The following POMGNT1 variants were observed in gnomAD, a reference collection of about 807,000 sequenced individuals.
The protein encoded by POMGNT1 is protein O-linked-mannose beta-1,2-N-acetylglucosaminyltransferase 1.
POMGNT1 carries 67 observed loss-of-function variants against 95.6 expected under a neutral mutation model. The ratio of observed to expected loss-of-function variants is 0.70; its 90% CI spans 0.58 to 0.86. The LOEUF is 0.86. POMGNT1 is among the 40% of genes least tolerant of loss of function. The probability of loss-of-function intolerance (pLI) is 0.00; values close to 1 mark genes in which losing one functional copy is unlikely to be tolerated. For synonymous variants in POMGNT1, 298 were observed against 317.9 expected, an observed-to-expected ratio of 0.94 and a Z score of 0.66; for missense variants, 719 against 855.2, an observed-to-expected ratio of 0.84 and a Z score of 1.99.
At chr1:46,205,468 C>T (rs1658682061) in intron 1 of POMGNT1, among the ~76,000 whole-genome samples, 1 of 152,164 alleles carries the variant, frequency 6.6e-6, no homozygotes, top group African/African-American at 2.4e-5. Context: ...CATTTTATGT[C>T]ATTGAAATGA....
chr1:46,206,885 A>G (rs1239614161), intron 1 of POMGNT1, among the ~76,000 whole-genome samples: 1 of 152,172 alleles, frequency 6.6e-6, no homozygotes, highest in Admixed American at 6.5e-5. Context: ...TTAGGGAAGG[A>G]GGAGACAGAA....
chr1:46,211,439 GCACACACACACA>G (rs57919535), intron 1 of POMGNT1, among the ~76,000 whole-genome samples: 3 of 78,958 alleles, frequency 3.8e-5, no homozygotes, highest in Admixed American at 1.4e-4. Context: ...ATGAAAACCT[GCACACACACACA>G]CACACACACA....
At chr1:46,193,095 G>T in intron 13 of POMGNT1, 79 bp downstream of exon 13, 1 of 1,607,734 alleles carries the variant, frequency 6.2e-7, no homozygotes, top group South Asian at 1.1e-5. Context: ...GAGGGGAAGA[G>T]CTTGCCACGT....
rs142875865 is a variant in POMGNT1, at chr1:46,203,550, G to A, written c.-50-5679C>T. On this transcript the variant is annotated intron_variant, in intron 1 of 22. Transcript: ENST00000371992. ...CGAGTGTGAGCTGGGAACCTCTGGC[G>A]CCCTGCTGCTCCCAGGGGCGTCTAG... 1.5e-4 allele frequency: 234 copies of A among 1,567,340 alleles called. No individual in the cohort carries two copies. In the African/African-American group the frequency reaches 2.9e-3, roughly 19 times the overall value.
At chr1:46,203,060 C>T (rs79939973), upstream of POMGNT1, among the ~76,000 whole-genome samples, 13 of 152,124 alleles carry the variant, frequency 8.5e-5, no homozygotes, top group East Asian at 2.5e-3. Flanking sequence ...TAAACTCCCA[C>T]ATCTCTGACT....
rs553553716 is a variant in POMGNT1 at position 46,205,757 on chromosome 1, C to A, written c.-50-7886G>T. 4.6e-5 allele frequency among the ~76,000 whole-genome samples: 7 copies of A among 152,336 alleles called. No homozygotes were observed. The East Asian group carries it at 1.2e-3, about 25-fold the overall frequency. The stretch of plus-strand genomic sequence containing the variant: ...AGGAGAGATCCCCATCCTATTTTTT[C>A]TCCTTCCTCAGGCCAGGATGTTATT... On this transcript the variant is annotated intron_variant, in intron 1 of 22. Coordinates refer to the POMGNT1 transcript ENST00000371992.
rs1448716178 is a variant in POMGNT1, at chr1:46,197,233, C to A, written c.121-149G>T. Reference sequence around the variant, plus strand: ...GTCTGCCTAGCTCTACTCCCCTGACCAGGGCCTAGTTTCACAGCCACTTTC... The same window carrying A: ...GTCTGCCTAGCTCTACTCCCCTGACAAGGGCCTAGTTTCACAGCCACTTTC... On this transcript the variant is annotated intron_variant, in intron 2 of 21. Transcript: ENST00000371984. The A allele has an allele frequency of 3.2e-6, 5 of 1,561,532 alleles. No individual in the cohort carries two copies. The Admixed American group carries it at 7.5e-5, about 23-fold the overall frequency.
upstream of POMGNT1, among the ~76,000 whole-genome samples, chr1:46,202,936 T>TGTGG (rs1658591028): frequency 8.5e-6 from 1 of 117,390 alleles, no homozygotes; most frequent in Admixed American, 1.1e-4. Context: ...TGTGTGTGTG[T>TGTGG]GTGTGTGTGT....
upstream of POMGNT1, among the ~76,000 whole-genome samples, chr1:46,201,453 A>T (rs907664714): frequency 2.1e-4 from 32 of 152,080 alleles, no homozygotes; most frequent in Non-Finnish European, 4.0e-4. Flanking sequence ...TAATCCCAGC[A>T]CTTTGGGAGG....
chr1:46,203,462 G>A, intron 1 of POMGNT1: 1 of 1,505,764 alleles, frequency 6.6e-7, no homozygotes, highest in East Asian at 2.6e-5. Flanking sequence ...CGCCTGACCT[G>A]CGGGATGTGG....
chr1:46,196,993 T>A lies in POMGNT1; in HGVS notation c.212A>T (p.Asp71Val), dbSNP rs753063524. ...TRRAISEANE[D>V]PEPEQDYDEA... The stretch of plus-strand genomic sequence containing the variant: ...ACCATAGTCTTGCTCTGGCTCTGGG[T>A]CTTCATTGGCTTCACTGATGGCTCG... Residue 71 changes from aspartate (D) to valine (V), a missense_variant, in exon 3 of 22, where the codon GAC (aspartate) becomes GTC (valine). This residue lies in a region of POMGNT1 where 466 missense variants were observed against 517.4 expected (regional missense o/e 0.90). Transcript: ENST00000371984. This position sits in a 1 kb window ranked among gnomAD's most constrained non-coding sequence, Gnocchi z 4.4. 1 of 1,614,102 alleles carries A rather than the reference T, an allele frequency of 6.2e-7. No individual in the cohort carries two copies. The highest frequency in any genetic ancestry group is 8.5e-7 in the Non-Finnish European group (1 of 1,180,002).
In POMGNT1 at chr1:46,189,171, A is replaced by C; in HGVS notation, c.*99T>G. 1 of 1,527,342 alleles carries C rather than the reference A, an allele frequency of 6.5e-7. No homozygotes were observed. The highest frequency in any genetic ancestry group is 8.8e-7 in the Non-Finnish European group (1 of 1,141,726). The allele number at this position is 1,527,342 out of a possible 1,614,324, so 94.6% of individuals were successfully genotyped here. ...CTCATGTTAAAAACAAGGTAGCCCC[A>C]GCCCCTACCAGCATCTACAAAATCC... On this transcript the variant is annotated 3_prime_UTR_variant, in exon 22 of 22. Coordinates refer to ENST00000371984, the MANE Select transcript of POMGNT1 (RefSeq NM_017739.4).
At chr1:46,193,243 T>C (rs769214721) in intron 12 of POMGNT1, 28 bp from the exon 13 acceptor site, 4 of 1,613,240 alleles carry the variant, frequency 2.5e-6, no homozygotes, top group Admixed American at 3.3e-5. Context: ...ATAGGGCACA[T>C]GAGCTTTAGG....
At chr1:46,201,721 A>AGAAAG (rs1658540354), upstream of POMGNT1, among the ~76,000 whole-genome samples, 1 of 151,586 alleles carries the variant, frequency 6.6e-6, no homozygotes, top group Non-Finnish European at 1.5e-5. Context: ...AAAAGAAAAA[A>AGAAAG]GAAAGAAAAG....
chr1:46,210,562 C>A (rs1441856321), intron 1 of POMGNT1, among the ~76,000 whole-genome samples: 1 of 152,116 alleles, frequency 6.6e-6, no homozygotes, highest in Non-Finnish European at 1.5e-5. Flanking sequence ...TTCCTATGAC[C>A]CCCTCCTTGG....
At chr1:46,213,875 A>G (rs1658980075) in intron 1 of POMGNT1, among the ~76,000 whole-genome samples, 1 of 152,072 alleles carries the variant, frequency 6.6e-6, no homozygotes. Flanking sequence ...AAAAAAAGAT[A>G]CAGACTTTAG....
At chr1:46,190,915 CG>C in intron 17 of POMGNT1, 131 bp from the exon 18 acceptor site, 2 of 843,848 alleles carry the variant, frequency 2.4e-6, no homozygotes, top group Non-Finnish European at 4.0e-6. Flanking sequence ...AATTTCCCAC[CG>C]TCTTCTCCAT....
At chr1:46,190,914 C>T in intron 17 of POMGNT1, 130 bp from the exon 18 acceptor site, 8 of 845,828 alleles carry the variant, frequency 9.5e-6, no homozygotes, top group South Asian at 2.8e-5. Flanking sequence ...TAATTTCCCA[C>T]CGTCTTCTCC....
chr1:46,209,890 A>G (rs988127602), intron 1 of POMGNT1, among the ~76,000 whole-genome samples: 2 of 152,200 alleles, frequency 1.3e-5, no homozygotes, highest in African/African-American at 4.8e-5. Context: ...AGGGGAAAAC[A>G]GCAGGACAAG....
Sources: allele counts gnomAD v4.1 joint callset (sites outside exome capture counted in the v4.1 genomes callset), GRCh38; gene constraint gnomAD v4.1.1; regional missense constraint gnomAD v4.1.1; non-coding constraint Gnocchi (gnomAD v3.1); transcripts MANE v1.5; gene names NCBI Gene and HGNC (gene_info 2026-07-23, HGNC 2026-07-21).